PPP3CB: variants seen among roughly 807,000 people sequenced by gnomAD.
PPP3CB encodes the protein serine/threonine-protein phosphatase 2B catalytic subunit beta isoform.
Under a neutral mutation model 66.4 loss-of-function variants are expected in PPP3CB, and 8 were observed. The ratio of observed to expected loss-of-function variants is 0.12; its 90% CI spans 0.07 to 0.22. The LOEUF (loss-of-function observed/expected upper bound fraction) is 0.22. Ranked by LOEUF, PPP3CB falls within the 10% of genes least tolerant of loss-of-function variation. The pLI is 1.00. For missense variants in PPP3CB, 319 were observed against 642.5 expected, an observed-to-expected ratio of 0.50 and a Z score of 5.44; for synonymous variants, 208 against 221.2, an observed-to-expected ratio of 0.94 and a Z score of 0.53.
In PPP3CB at chr10:73,470,782, C is replaced by T; in HGVS notation, c.888-1G>A. ...TTGACTTTTTCTGTACATTCTATAG[C>T]TGCAAAACAAATAGCTTAATATGCA... On this transcript the variant is annotated splice_acceptor_variant, in intron 7 of 13. Coordinates refer to ENST00000360663, the MANE Select transcript of PPP3CB (RefSeq NM_021132.4). LOFTEE classifies it high-confidence loss of function. The T allele has an allele frequency of 1.3e-6, 2 of 1,599,748 alleles. No homozygotes were observed. The highest frequency in any genetic ancestry group is 1.7e-6 in the Non-Finnish European group (2 of 1,170,808).
Position 73,484,772 on chromosome 10 carries a change from C to G in PPP3CB, c.86-5255G>C, listed in dbSNP as rs185941284. On this transcript the variant is annotated intron_variant, in intron 1 of 13. Transcript: ENST00000360663. Reference sequence around the variant, plus strand: ...ACAACCTAAAGAGCTACAAAATCGGCTGGGCGTGGTGGCTCACGCCTGTAA... The same window carrying G: ...ACAACCTAAAGAGCTACAAAATCGGGTGGGCGTGGTGGCTCACGCCTGTAA... Among the ~76,000 whole-genome samples, 71 of 152,122 alleles carry G rather than the reference C, an allele frequency of 4.7e-4. 1 individual carries two copies. The highest frequency in any genetic ancestry group is 1.6e-3 in the African/African-American group (67 of 41,520).
At chr10:73,443,266 G>GAGAAAGAAAGAAAGAA (rs1164429950) in intron 12 of PPP3CB, among the ~76,000 whole-genome samples, 1 of 64,444 alleles carries the variant, frequency 1.6e-5, no homozygotes, top group Non-Finnish European at 3.7e-5. Flanking sequence ...GAGAGAGAGA[G>GAGAAAGAAAGAAAGAA]AGAAAGAAAG....
intron 1 of PPP3CB, among the ~76,000 whole-genome samples, chr10:73,490,129 C>T (rs2057048932): frequency 1.3e-5 from 2 of 152,174 alleles, no homozygotes; most frequent in Admixed American, 1.3e-4. Flanking sequence ...AAAGCTGGTA[C>T]TCAATAAACA....
chr10:73,443,268 GAAAGAAAGAAAGAAAGAC>G (rs1212620565), intron 12 of PPP3CB, among the ~76,000 whole-genome samples: 2 of 116,628 alleles, frequency 1.7e-5, no homozygotes, highest in African/African-American at 7.8e-5. Flanking sequence ...GAGAGAGAGA[GAAAGAAAGAAAGAAAGAC>G]AGAAAGAAAG....
rs775184903 is a variant in PPP3CB, at chr10:73,495,842, G to C, written c.48C>G (p.Pro16=). The change falls in exon 1 of 14, where the codon CCC becomes CCG. Residue 16 remains proline (P), a synonymous_variant. Coordinates refer to ENST00000360663, the MANE Select transcript of PPP3CB (RefSeq NM_021132.4). ...PARAAPPPPP[P]PPPPPGADRV... is the part of the protein sequence containing the mutation. The stretch of plus-strand genomic sequence containing the variant: ...GGTCAGCCCCGGGAGGGGGCGGCGG[G>C]GGCGGGGGTGGGGGCGGTGCAGCCC... The C allele has an allele frequency of 6.8e-7, 1 of 1,476,614 alleles. No individual in the cohort carries two copies. The highest frequency in any genetic ancestry group is 1.3e-5 in the South Asian group (1 of 79,134). The allele number at this position is 1,476,614 out of a possible 1,614,324, so 91.5% of individuals were successfully genotyped here.
At chr10:73,468,159 T>C (rs139708274) in intron 8 of PPP3CB, among the ~76,000 whole-genome samples, 73 of 152,250 alleles carry the variant, frequency 4.8e-4, no homozygotes, top group African/African-American at 1.7e-3. Context: ...ATTTGGAACA[T>C]TTTACTTATA....
intron 1 of PPP3CB, among the ~76,000 whole-genome samples, chr10:73,488,211 A>G (rs2057018540): frequency 6.6e-6 from 1 of 152,150 alleles, no homozygotes; most frequent in African/African-American, 2.4e-5. Flanking sequence ...TCTTTATACC[A>G]ACACAAGGAC....
intron 3 of PPP3CB, among the ~76,000 whole-genome samples, chr10:73,475,420 T>C (rs796736904): frequency 3.3e-5 from 5 of 152,356 alleles, no homozygotes; most frequent in African/African-American, 1.2e-4. Context: ...TGAAGCACTA[T>C]ATAATTCCCC....
intron 1 of PPP3CB, among the ~76,000 whole-genome samples, chr10:73,485,952 A>AT (rs1554826087): frequency 1.5e-4 from 10 of 65,876 alleles, no homozygotes; most frequent in Admixed American, 1.9e-4. Context: ...GTGTGTGTGT[A>AT]TTTTTTTTTT....
chr10:73,475,090 G>A, intron 3 of PPP3CB, 60 bp from the exon 4 acceptor site: 2 of 1,565,324 alleles, frequency 1.3e-6, no homozygotes, highest in South Asian at 1.2e-5. Flanking sequence ...GAAGCTGCTT[G>A]ATCTTTGCTC....
chr10:73,483,813 T>C (rs2056924677), intron 1 of PPP3CB, among the ~76,000 whole-genome samples: 1 of 152,084 alleles, frequency 6.6e-6, no homozygotes, highest in African/African-American at 2.4e-5. Context: ...CTAAAATAAG[T>C]TGCTCAATAG....
intron 10 of PPP3CB, chr10:73,448,606 C>A (rs2056297127): frequency 1.9e-6 from 1 of 532,368 alleles, no homozygotes; most frequent in Non-Finnish European, 3.8e-6. Context: ...CTTACATGGA[C>A]ATGAAGATAA....
intron 9 of PPP3CB, among the ~76,000 whole-genome samples, chr10:73,460,332 G>GTTAT (rs573138366): frequency 3.1e-4 from 45 of 143,700 alleles, no homozygotes; most frequent in East Asian, 2.1e-3. Flanking sequence ...TGAGAGAAAT[G>GTTAT]TTATTTATTT....
chr10:73,448,563 C>T (rs997612556), intron 10 of PPP3CB: 15 of 511,906 alleles, frequency 2.9e-5, no homozygotes, highest in African/African-American at 2.3e-4. Flanking sequence ...CCCAAGAGGA[C>T]TCTGCATAGA....
At chr10:73,488,615 T>G (rs1264735536) in intron 1 of PPP3CB, among the ~76,000 whole-genome samples, 5 of 143,794 alleles carry the variant, frequency 3.5e-5, no homozygotes, top group Admixed American at 7.0e-5. Flanking sequence ...TTGCCAGGAG[T>G]AGAAGTATGG....
rs956430664 is a variant in PPP3CB, at chr10:73,471,115, T to G, written c.764A>C (p.Glu255Ala). Residue 255 changes from glutamate to alanine, a missense_variant, in exon 6 of 14, where the codon GAA becomes GCA. Physicochemically the swap from Glu to Ala is moderately radical, Grantham distance 107. Transcript: ENST00000360663. ...TCGAACTGTATTGTGACTAAAATGT[T>G]CCTGTGATTTTTCATTTCCAAAATC... The part of the protein sequence containing the change: ...SEDFGNEKSQ[E>A]HFSHNTVRGC... 1.9e-6 allele frequency: 3 copies of G among 1,612,062 alleles called. No homozygotes were observed. The highest frequency in any genetic ancestry group is 2.5e-6 in the Non-Finnish European group (3 of 1,178,318).
intron 11 of PPP3CB, among the ~76,000 whole-genome samples, chr10:73,446,025 G>A (rs1470841818): frequency 6.6e-6 from 1 of 152,026 alleles, no homozygotes; most frequent in Non-Finnish European, 1.5e-5. Flanking sequence ...GGGATTACAG[G>A]CGTGAGCCAC....
rs999067621 is a variant in PPP3CB, at chr10:73,437,070, G to A, written c.*1172C>T. On this transcript the variant is annotated 3_prime_UTR_variant, in exon 14 of 14. Coordinates refer to ENST00000360663, the MANE Select transcript of PPP3CB (RefSeq NM_021132.4). The stretch of plus-strand genomic sequence containing the variant: ...CAATAATTGTGAAAAATTAGCACAT[G>A]GTTCCATTTAGTTTAACCAAGCAGT... 4 of 152,604 alleles carry A rather than the reference G, an allele frequency of 2.6e-5. No individual in the cohort carries two copies. The highest frequency in any genetic ancestry group is 7.2e-5 in the African/African-American group (3 of 41,438). The allele number at this position is 152,604 out of a possible 1,614,324, so 9.5% of individuals were successfully genotyped here. A position where few individuals can be genotyped will look rare whatever the true frequency, so the allele number is the denominator to read the frequency against.
In PPP3CB at chr10:73,437,838, T is replaced by G. The variant is rs553070177; in HGVS notation, c.*404A>C. ...CATGCTAATTCATCCTTTAAAGACA[T>G]TTCATGGAAAAAGAAAAGTCCACAT... On this transcript the variant is annotated 3_prime_UTR_variant, in exon 14 of 14. Transcript: ENST00000360663. The G allele has an allele frequency of 6.3e-6, 1 of 158,400 alleles. No homozygotes were observed. The highest frequency in any genetic ancestry group is 1.4e-5 in the Non-Finnish European group (1 of 72,118). 9.8% of individuals were successfully genotyped at this position (158,400 alleles called of 1,614,324 possible).
Sources: gnomAD v4.1 joint callset for allele counts (sites outside exome capture counted in the v4.1 genomes callset) on GRCh38, gnomAD v4.1.1 for gene constraint, MANE v1.5 for transcripts, NCBI Gene and HGNC (gene_info 2026-07-23, HGNC 2026-07-21) for gene names.